Variants in CTCF observed in about 807,000 individuals in gnomAD.
The protein encoded by CTCF is transcriptional repressor CTCF.
Under a neutral mutation model 72.3 loss-of-function variants are expected in CTCF, and 7 were observed. The ratio of observed to expected loss-of-function variants is 0.10; its 90% confidence interval spans 0.06 to 0.18. The LOEUF (loss-of-function observed/expected upper bound fraction) is 0.18. Ranked by LOEUF, CTCF falls within the 10% of genes least tolerant of loss-of-function variation. The probability of loss-of-function intolerance (pLI) is 1.00; values close to 1 mark genes in which losing one functional copy is unlikely to be tolerated. For synonymous variants in CTCF, 374 were observed against 315.8 expected, an observed-to-expected ratio of 1.18 and a Z score of -1.95; for missense variants, 516 against 949.1, an observed-to-expected ratio of 0.54 and a Z score of 6.00.
At chr16:67,591,900 A>G (rs1331641355) in intron 2 of CTCF, among the ~76,000 whole-genome samples, 1 of 151,658 alleles carries the variant, frequency 6.6e-6, no homozygotes, top group Non-Finnish European at 1.5e-5. Flanking sequence ...TTTAATGGAG[A>G]CAAGGTCTCA....
intron 4 of CTCF, among the ~76,000 whole-genome samples, chr16:67,613,329 G>A (rs1209284078): frequency 1.3e-5 from 2 of 152,172 alleles, no homozygotes; most frequent in Admixed American, 1.3e-4. Flanking sequence ...TTGTTGTGCT[G>A]GTTGTCAGAT....
At chr16:67,616,923 GATTT>G in intron 5 of CTCF, 45 bp downstream of exon 5, 1 of 1,593,846 alleles carries the variant, frequency 6.3e-7, no homozygotes, top group Non-Finnish European at 8.6e-7. Context: ...GGCAGACCAT[GATTT>G]ATTTCAATAC....
chr16:67,631,121 G>A (rs1389343963), intron 10 of CTCF, among the ~76,000 whole-genome samples: 2 of 150,190 alleles, frequency 1.3e-5, no homozygotes, highest in Non-Finnish European at 3.0e-5. Flanking sequence ...GAGAACTTTA[G>A]TGACTTTATT....
At chr16:67,629,262 G>A in intron 9 of CTCF, 136 bp from the exon 10 acceptor site, 1 of 759,372 alleles carries the variant, frequency 1.3e-6, no homozygotes, top group Non-Finnish European at 2.1e-6. Flanking sequence ...CCCCTGAGCA[G>A]AGACAGCGTG....
intron 2 of CTCF, among the ~76,000 whole-genome samples, chr16:67,580,674 G>A (rs1472661986): frequency 1.3e-5 from 2 of 151,490 alleles, no homozygotes; most frequent in East Asian, 3.9e-4. Flanking sequence ...TGATTCTCCT[G>A]CCTCGGCCTC....
chr16:67,575,592 G>A (rs1026309321), intron 2 of CTCF, among the ~76,000 whole-genome samples: 36 of 151,974 alleles, frequency 2.4e-4, no homozygotes, highest in African/African-American at 7.0e-4. Context: ...CTACAGGTGC[G>A]CCACCATGTC....
intron 10 of CTCF, among the ~76,000 whole-genome samples, chr16:67,636,193 T>C (rs1407940200): frequency 6.6e-6 from 1 of 152,090 alleles, no homozygotes; most frequent in African/African-American, 2.4e-5. Context: ...CTGACCAATA[T>C]GGTGAAACCC....
chr16:67,599,278 C>T (rs1019694388), intron 2 of CTCF, among the ~76,000 whole-genome samples: 1 of 152,126 alleles, frequency 6.6e-6, no homozygotes, highest in Non-Finnish European at 1.5e-5. Context: ...GCTGGTAGTC[C>T]CAGCTGCTCA....
chr16:67,605,114 A>G (rs1265655242), intron 2 of CTCF, among the ~76,000 whole-genome samples: 2 of 151,746 alleles, frequency 1.3e-5, no homozygotes, highest in Non-Finnish European at 2.9e-5. Flanking sequence ...CTGGGACTAC[A>G]GGCACCCGCC....
rs556248338 is a variant in CTCF, at chr16:67,632,074, C to CAAAAAA, written c.1837+2551_1837+2556dup. 3.9e-3 allele frequency among the ~76,000 whole-genome samples: 373 copies of CAAAAAA among 96,332 alleles called. 7 individuals are homozygous for CAAAAAA. The highest frequency in any genetic ancestry group is 8.2e-3 in the African/African-American group (209 of 25,440). The allele number at this position is 96,332 out of a possible 152,430, so 63.2% of individuals were successfully genotyped here. ...GGGTAACAGAGCGAGACCCTGTCTC[C>CAAAAAA]AAAAAAAAAAAAAAAGGGAAAAAAA... is the stretch of plus-strand genomic sequence containing the variant. On this transcript the variant is annotated intron_variant, in intron 10 of 11. Coordinates refer to ENST00000264010, the MANE Select transcript of CTCF (RefSeq NM_006565.4).
intron 2 of CTCF, among the ~76,000 whole-genome samples, chr16:67,604,128 C>CAAA (rs762004795): frequency 1.7e-5 from 1 of 57,524 alleles, no homozygotes; most frequent in East Asian, 4.7e-4. Flanking sequence ...AACCCCGTCT[C>CAAA]AAAAAAAAAA....
intron 5 of CTCF, among the ~76,000 whole-genome samples, chr16:67,618,817 A>C (rs2052165653): frequency 6.6e-6 from 1 of 152,266 alleles, no homozygotes; most frequent in South Asian, 2.1e-4. Flanking sequence ...AATGTACATG[A>C]AGAAAACCTC....
At chr16:67,616,976 T>G (rs1164427081) in intron 5 of CTCF, 98 bp downstream of exon 5, 1 of 1,246,496 alleles carries the variant, frequency 8.0e-7, no homozygotes, top group Non-Finnish European at 1.2e-6. Flanking sequence ...TAAGATGAGG[T>G]AGAAAAATGT....
intron 5 of CTCF, among the ~76,000 whole-genome samples, chr16:67,617,868 C>A (rs1295051217): frequency 6.6e-6 from 1 of 152,054 alleles, no homozygotes; most frequent in South Asian, 2.1e-4. Context: ...AGCAAAAATT[C>A]TAAATGAAAT....
At chr16:67,613,815 A>T (rs1422631302) in intron 4 of CTCF, among the ~76,000 whole-genome samples, 5 of 152,152 alleles carry the variant, frequency 3.3e-5, no homozygotes, top group Non-Finnish European at 7.4e-5. Context: ...GCCCCATAAC[A>T]GGACTTCCCA....
chr16:67,586,515 G>T (rs1388053552), intron 2 of CTCF, among the ~76,000 whole-genome samples: 1 of 148,444 alleles, frequency 6.7e-6, no homozygotes, highest in African/African-American at 2.5e-5. Flanking sequence ...CAGCCTGGGC[G>T]ACAGAGTGAG....
At chr16:67,581,413 C>T (rs555065530) in intron 2 of CTCF, among the ~76,000 whole-genome samples, 1 of 151,932 alleles carries the variant, frequency 6.6e-6, no homozygotes, top group South Asian at 2.1e-4. Context: ...ACCTCTGCCT[C>T]CTGGGGTCAA....
intron 8 of CTCF, chr16:67,628,021 G>T (rs551889480): frequency 5.1e-6 from 1 of 195,406 alleles, no homozygotes; most frequent in East Asian, 1.1e-4. Context: ...CTTGAATCCG[G>T]GAGGTGGAGG....
chr16:67,613,070 T>C (rs2052082327), intron 4 of CTCF, among the ~76,000 whole-genome samples: 1 of 152,252 alleles, frequency 6.6e-6, no homozygotes, highest in Admixed American at 6.5e-5. Flanking sequence ...CTTACTTTAG[T>C]GTTCAGATAT....
Sources: gnomAD v4.1 joint callset for allele counts (sites outside exome capture counted in the v4.1 genomes callset) on GRCh38, gnomAD v4.1.1 for gene constraint, MANE v1.5 for transcripts, NCBI Gene and HGNC (gene_info 2026-07-23, HGNC 2026-07-21) for gene names.